Variants in CDKL3 observed in about 807,000 individuals in gnomAD.
CDKL3 encodes cyclin-dependent kinase-like 3.
In CDKL3, 65 loss-of-function variants were observed where a neutral mutation model predicts 69.3. That is an observed-to-expected ratio of 0.94 (90% CI 0.77 to 1.15). The LOEUF (loss-of-function observed/expected upper bound fraction) is 1.15. Ranked by LOEUF, CDKL3 falls within the 50% of genes most tolerant of loss-of-function variation. The probability of loss-of-function intolerance (pLI) is 0.00; values close to 1 mark genes in which losing one functional copy is unlikely to be tolerated. For synonymous variants in CDKL3, 202 were observed against 221.6 expected, an observed-to-expected ratio of 0.91 and a Z score of 0.79; for missense variants, 652 against 689.2, an observed-to-expected ratio of 0.95 and a Z score of 0.61.
chr5:134,309,328 T>C (rs1768762940), intron 7 of CDKL3, among the ~76,000 whole-genome samples: 1 of 152,172 alleles, frequency 6.6e-6, no homozygotes. Context: ...GTGATCCACC[T>C]GCCTCGTCCT....
chr5:134,371,334 C>T, upstream of CDKL3: 1 of 584,992 alleles, frequency 1.7e-6, no homozygotes, highest in Non-Finnish European at 3.0e-6. Flanking sequence ...GGGAACCGCG[C>T]CCCGCTGAAG....
At chr5:134,335,351 T>G (rs541897882) in intron 4 of CDKL3, among the ~76,000 whole-genome samples, 1 of 152,170 alleles carries the variant, frequency 6.6e-6, no homozygotes, top group Non-Finnish European at 1.5e-5. Context: ...ATGTGTGAAT[T>G]TGATTCTGTC....
intron 3 of CDKL3, among the ~76,000 whole-genome samples, chr5:134,350,892 T>C (rs994588376): frequency 4.6e-5 from 7 of 151,620 alleles, no homozygotes; most frequent in Non-Finnish European, 8.8e-5. Flanking sequence ...TTATTGAAAT[T>C]TTACTTTCCT....
At chr5:134,355,966 T>C (rs1754505613) in intron 3 of CDKL3, among the ~76,000 whole-genome samples, 1 of 152,216 alleles carries the variant, frequency 6.6e-6, no homozygotes, top group Admixed American at 6.5e-5. Context: ...AGACAGTTTT[T>C]CTATGGACCA....
Position 134,288,187 on chromosome 5 carries a change from C to G in CDKL3, c.*678-1628G>C, listed in dbSNP as rs541788404. ...GGGATTATAGGCATGAGCCACCAAG[C>G]CTGGCCTGTAACTTTACTTTTAAAA... On this transcript the variant is annotated intron_variant and NMD_transcript_variant, in intron 8 of 8. Transcript: ENST00000519312. Among the ~76,000 whole-genome samples, 7 of 152,294 alleles carry G rather than the reference C, an allele frequency of 4.6e-5. No homozygotes were observed. The East Asian group carries it at 7.7e-4, about 17-fold the overall frequency.
At chr5:134,364,643 C>T (rs1246381290) in intron 2 of CDKL3, among the ~76,000 whole-genome samples, 1 of 151,872 alleles carries the variant, frequency 6.6e-6, no homozygotes, top group African/African-American at 2.4e-5. Context: ...TCCCGAATAG[C>T]TGGGATTACA....
chr5:134,326,823 A>ATATATATGTGTGTG lies in CDKL3; in HGVS notation c.540-4921_540-4920insCACACACATATATA, dbSNP rs1468227658. 5.9e-3 allele frequency among the ~76,000 whole-genome samples: 613 copies of ATATATATGTGTGTG among 104,786 alleles called. 1 individual carries two copies. The highest frequency in any genetic ancestry group is 9.8e-3 in the African/African-American group (178 of 18,232). 68.7% of individuals were successfully genotyped at this position (104,786 alleles called of 152,430 possible). ...TATATATATATATGTGTGTGTATAT[A>ATATATATGTGTGTG]TATATATATATATATATATATATAT... On this transcript the variant is annotated intron_variant, in intron 4 of 12. Transcript: ENST00000265334.
chr5:134,296,526 T>C (rs1401621825), downstream of CDKL3, among the ~76,000 whole-genome samples: 1 of 152,156 alleles, frequency 6.6e-6, no homozygotes, highest in African/African-American at 2.4e-5. Context: ...GAATGGGACT[T>C]CAAGCATTAA....
intron 3 of CDKL3, among the ~76,000 whole-genome samples, chr5:134,356,073 T>C (rs915076687): frequency 7.9e-5 from 12 of 152,234 alleles, no homozygotes; most frequent in African/African-American, 2.4e-4. Flanking sequence ...GAAATCATTA[T>C]ACAACTTACC....
intron 3 of CDKL3, among the ~76,000 whole-genome samples, chr5:134,354,245 G>A (rs543727087): frequency 1.6e-4 from 24 of 152,292 alleles, no homozygotes; most frequent in African/African-American, 5.5e-4. Flanking sequence ...CAACTGTCTT[G>A]TTCAATTAAT....
At chr5:134,295,555 A>G (rs1257961506), downstream of CDKL3, among the ~76,000 whole-genome samples, 2 of 152,192 alleles carry the variant, frequency 1.3e-5, no homozygotes, top group Non-Finnish European at 2.9e-5. Context: ...CACCAACCTA[A>G]TAGTTGCTGA....
chr5:134,326,492 T>C (rs1017716385), intron 4 of CDKL3, among the ~76,000 whole-genome samples: 1 of 151,946 alleles, frequency 6.6e-6, no homozygotes, highest in Non-Finnish European at 1.5e-5. Flanking sequence ...GACTCGAGCC[T>C]TGATCAGGAA....
upstream of CDKL3, chr5:134,371,040 T>A (rs540936361): frequency 5.4e-6 from 1 of 184,584 alleles, no homozygotes; most frequent in East Asian, 1.6e-4. Context: ...ACGTGACCCG[T>A]TCTAAACGCG....
chr5:134,366,133 T>C (rs1020318472), intron 2 of CDKL3, among the ~76,000 whole-genome samples: 1 of 152,332 alleles, frequency 6.6e-6, no homozygotes, highest in African/African-American at 2.4e-5. Context: ...TATACTTGAA[T>C]ATTTCTGAAT....
intron 6 of CDKL3, among the ~76,000 whole-genome samples, chr5:134,318,745 A>C: frequency 6.6e-6 from 1 of 152,012 alleles, no homozygotes; most frequent in Non-Finnish European, 1.5e-5. Context: ...TCGGCGTCCC[A>C]AAGTGCTGGG....
Position 134,305,422 on chromosome 5 carries a change from AAACTT to A in CDKL3, c.1459-860_1459-856del, listed in dbSNP as rs1767549016. Among the ~76,000 whole-genome samples the A allele has an allele frequency of 6.6e-5, 10 of 152,256 alleles. No individual in the cohort carries two copies. In the South Asian group the frequency reaches 1.9e-3, roughly 28 times the overall value. On this transcript the variant is annotated intron_variant, in intron 10 of 12. Transcript: ENST00000265334. ...AGCCACTGTGCCTGGCCAGAACCAC[AAACTT>A]AACTTTTCATTTTTAATACTATTCA...
chr5:134,313,642 GA>G (rs1374662982), intron 6 of CDKL3, among the ~76,000 whole-genome samples: 1 of 151,628 alleles, frequency 6.6e-6, no homozygotes, highest in African/African-American at 2.4e-5. Flanking sequence ...CTGATTCACA[GA>G]AAAAAATCTA....
At chr5:134,302,346 T>C (rs760654843) in intron 12 of CDKL3, 1 of 462,120 alleles carries the variant, frequency 2.2e-6, no homozygotes, top group Non-Finnish European at 4.0e-6. Context: ...CTACACACAA[T>C]ACAGATAATA....
intron 4 of CDKL3, among the ~76,000 whole-genome samples, chr5:134,336,608 G>A (rs1411677204): frequency 6.6e-6 from 1 of 152,186 alleles, no homozygotes; most frequent in African/African-American, 2.4e-5. Flanking sequence ...GTTGGAGTTT[G>A]CTGGAGGTCC....
Sources: allele counts gnomAD v4.1 joint callset (sites outside exome capture counted in the v4.1 genomes callset), GRCh38; gene constraint gnomAD v4.1.1; transcripts MANE v1.5; gene names NCBI Gene and HGNC (gene_info 2026-07-23, HGNC 2026-07-21).